Variants in GMDS observed in about 807,000 individuals in gnomAD.
The protein encoded by GMDS is GDP-mannose 4,6-dehydratase.
A neutral mutation model predicts 49.9 loss-of-function variants in GMDS; 20 were observed. The ratio of observed to expected loss-of-function variants is 0.40; its 90% confidence interval spans 0.28 to 0.58. The LOEUF (loss-of-function observed/expected upper bound fraction) is 0.58, where lower values mean the gene tolerates loss of function less well. GMDS is among the 20% of genes least tolerant of loss of function. The pLI, the probability that GMDS is intolerant of heterozygous loss-of-function variation, is 0.42. For missense variants in GMDS, 362 were observed against 481.4 expected (o/e 0.75, Z 2.32); for synonymous variants, 177 against 178.6 (o/e 0.99, Z 0.07).
At chr6:1,643,409 CTGTGCTCA>C (rs1351852567) in intron 9 of GMDS, among the ~76,000 whole-genome samples, 1 of 152,224 alleles carries the variant, frequency 6.6e-6, no homozygotes, top group Non-Finnish European at 1.5e-5. Flanking sequence ...GTTGCTGCAA[CTGTGCTCA>C]TCTCCAGGTG....
chr6:1,693,066 G>A (rs562050594), intron 9 of GMDS, among the ~76,000 whole-genome samples: 8 of 152,274 alleles, frequency 5.3e-5, no homozygotes, highest in East Asian at 1.9e-4. Context: ...TCCTCCTTTC[G>A]TGATTTGTTA....
Position 1,930,147 on chromosome 6 carries a change from G to T in GMDS, c.727C>A (p.Leu243Met), listed in dbSNP as rs764583596. The stretch of plus-strand genomic sequence containing the variant: ...TGGCCCCAATCTCGTTTGGCATCCA[G>T]ATTTCCCAAACTGAAACATTCCAGT... ...GQLECFSLGN[L>M]DAKRDWGHAK... Residue 243 changes from leucine to methionine, a missense_variant, in exon 7 of 11, where the codon CTG becomes ATG. By Grantham distance (15) the Leu-to-Met change is conservative. Transcript: ENST00000380815. The T allele has an allele frequency of 6.2e-7, 1 of 1,612,994 alleles. No homozygotes were observed. Among genetic ancestry groups the T allele is most frequent in the Non-Finnish European group, 8.5e-7 (1 of 1,179,188 alleles).
intron 1 of GMDS, among the ~76,000 whole-genome samples, chr6:2,130,743 A>T (rs574212450): frequency 1.4e-4 from 22 of 152,304 alleles, no homozygotes; most frequent in African/African-American, 5.1e-4. Context: ...TATGTCCATG[A>T]TTAGTTTGAT....
Position 2,245,542 on chromosome 6 carries a change from G to A in GMDS, c.-120C>T, listed in dbSNP as rs1381261109. On this transcript the variant is annotated 5_prime_UTR_variant, in exon 1 of 11. Transcript: ENST00000380815. ...CCTCTCCAGGCTGCGGGCAGGGAGGGAGAGCGCACCGCGCGACCGGCCGCC... is the reference window on the plus strand; with the variant it reads ...CCTCTCCAGGCTGCGGGCAGGGAGGAAGAGCGCACCGCGCGACCGGCCGCC... 2.0e-6 allele frequency: 1 copy of A among 492,366 alleles called. No homozygotes were observed. The highest frequency in any genetic ancestry group is 2.0e-5 in the African/African-American group (1 of 48,790). 30.5% of individuals were successfully genotyped at this position (492,366 alleles called of 1,614,324 possible). A position where few individuals can be genotyped will look rare whatever the true frequency, so the allele number is the denominator to read the frequency against.
chr6:1,709,402 T>C (rs962955143), intron 9 of GMDS, among the ~76,000 whole-genome samples: 2 of 152,218 alleles, frequency 1.3e-5, no homozygotes, highest in South Asian at 2.1e-4. Context: ...AGCGTGACCT[T>C]GGGCAAGTCA....
chr6:1,878,039 C>A (rs554799108), intron 7 of GMDS, among the ~76,000 whole-genome samples: 2 of 152,084 alleles, frequency 1.3e-5, no homozygotes, highest in East Asian at 3.9e-4. Context: ...TCCTGCTGGG[C>A]GCGGTGGCTC....
intron 1 of GMDS, among the ~76,000 whole-genome samples, chr6:2,152,680 C>G (rs891294422): frequency 2.0e-5 from 3 of 152,038 alleles, no homozygotes; most frequent in Admixed American, 1.3e-4. Context: ...CCACTGTACT[C>G]TAATTAACTT....
chr6:2,116,582 A>G (rs1022541173), intron 3 of GMDS, among the ~76,000 whole-genome samples: 4 of 152,212 alleles, frequency 2.6e-5, no homozygotes, highest in African/African-American at 9.7e-5. Context: ...ACACTTCATG[A>G]CTTAAAGTGG....
At chr6:2,105,222 A>G (rs1426836531) in intron 4 of GMDS, among the ~76,000 whole-genome samples, 1 of 151,714 alleles carries the variant, frequency 6.6e-6, no homozygotes, top group Admixed American at 6.6e-5. Flanking sequence ...TCACTAAACC[A>G]AAACACTTTC....
intron 7 of GMDS, among the ~76,000 whole-genome samples, chr6:1,767,701 A>T (rs527805107): frequency 5.3e-5 from 8 of 152,254 alleles, no homozygotes; most frequent in Admixed American, 4.6e-4. Flanking sequence ...ATTTCTCAGG[A>T]ATGTTTAATT....
intron 9 of GMDS, among the ~76,000 whole-genome samples, chr6:1,700,952 A>G (rs1343428796): frequency 2.6e-5 from 4 of 152,228 alleles, no homozygotes; most frequent in Non-Finnish European, 5.9e-5. Flanking sequence ...TTCGTAAATC[A>G]TAACAGTGAA....
intron 9 of GMDS, among the ~76,000 whole-genome samples, chr6:1,645,358 T>C (rs1029812438): frequency 6.6e-6 from 1 of 152,236 alleles, no homozygotes; most frequent in Admixed American, 6.5e-5. Flanking sequence ...CATAGCTTCC[T>C]GCACCCATCA....
intron 1 of GMDS, among the ~76,000 whole-genome samples, chr6:2,163,774 T>C (rs1438463935): frequency 6.6e-6 from 1 of 152,238 alleles, no homozygotes; most frequent in Non-Finnish European, 1.5e-5. Flanking sequence ...GGCTGAGCGC[T>C]GCCACTTGGC....
intron 9 of GMDS, among the ~76,000 whole-genome samples, chr6:1,683,369 C>T (rs955001156): frequency 8.5e-5 from 13 of 152,272 alleles, no homozygotes; most frequent in Middle Eastern, 3.4e-3. Context: ...GTGATTTGTC[C>T]GCCTCGGCCT....
intron 6 of GMDS, among the ~76,000 whole-genome samples, chr6:1,949,786 C>G (rs1057114736): frequency 3.3e-5 from 5 of 152,158 alleles, no homozygotes; most frequent in African/African-American, 7.2e-5. Flanking sequence ...AACAATCTAA[C>G]CATTTATGGA....
At chr6:1,930,340 C>T (rs1372310695) in intron 6 of GMDS, 110 bp from the exon 7 acceptor site, 3 of 724,996 alleles carry the variant, frequency 4.1e-6, no homozygotes, top group Admixed American at 2.4e-5. Flanking sequence ...TTCTACACTC[C>T]CAGCCACCCT....
chr6:1,782,583 TAAAG>T (rs1389084940), intron 7 of GMDS, among the ~76,000 whole-genome samples: 4 of 152,256 alleles, frequency 2.6e-5, no homozygotes, highest in Non-Finnish European at 4.4e-5. Context: ...ATGCTCTTTA[TAAAG>T]AGACTTTGGA....
chr6:2,181,291 C>A (rs1454920246), intron 1 of GMDS, among the ~76,000 whole-genome samples: 2 of 151,994 alleles, frequency 1.3e-5, no homozygotes, highest in Non-Finnish European at 2.9e-5. Context: ...TAATTCCCAC[C>A]TACCTCTCTC....
At chr6:1,754,618 G>A (rs185821047) in intron 7 of GMDS, among the ~76,000 whole-genome samples, 10 of 152,244 alleles carry the variant, frequency 6.6e-5, no homozygotes, top group African/African-American at 2.2e-4. Flanking sequence ...ACATCGATGT[G>A]AAAATCCTCA....
Sources: allele counts gnomAD v4.1 joint callset (sites outside exome capture counted in the v4.1 genomes callset), GRCh38; gene constraint gnomAD v4.1.1; transcripts MANE v1.5; gene names NCBI Gene and HGNC (gene_info 2026-07-23, HGNC 2026-07-21).